Variants in RPS6KC1 observed in about 807,000 individuals in gnomAD.
The protein encoded by RPS6KC1 is inactive ribosomal protein S6 kinase delta-1.
A neutral mutation model predicts 103.8 loss-of-function variants in RPS6KC1; 54 were observed. The observed-to-expected ratio is 0.52, with a 90% CI of 0.42 to 0.65. The LOEUF is 0.65. Ranked by LOEUF, RPS6KC1 falls within the 30% of genes least tolerant of loss-of-function variation. The probability of loss-of-function intolerance (pLI) is 0.00; values close to 1 mark genes in which losing one functional copy is unlikely to be tolerated. For missense variants in RPS6KC1, 1,151 were observed against 1,253.8 expected, an observed-to-expected ratio of 0.92 and a Z score of 1.24; for synonymous variants, 439 against 438.7, an observed-to-expected ratio of 1.00 and a Z score of -0.01.
At chr1:213,589,390 A>G in the RPS6KC1 span, among the ~76,000 whole-genome samples, 3 of 152,192 alleles carry the variant, frequency 2.0e-5, no homozygotes, top group African/African-American at 7.2e-5. Flanking sequence ...CTGTAATCCC[A>G]GCGCTTTGGG....
the RPS6KC1 span, among the ~76,000 whole-genome samples, chr1:213,614,341 A>G: frequency 2.0e-5 from 3 of 152,258 alleles, no homozygotes. Flanking sequence ...TACGGTTTCT[A>G]CAGAGAGTGA....
the RPS6KC1 span, among the ~76,000 whole-genome samples, chr1:213,637,724 T>C: frequency 5.1e-4 from 77 of 152,278 alleles, no homozygotes; most frequent in Non-Finnish European, 7.6e-4. Flanking sequence ...TTGCTCTGTA[T>C]CCTCACCACC....
rs2094549001 is a variant in RPS6KC1, at chr1:213,251,672, G to A, written c.2911+9014G>A. ...GCCTACAACTTGTAAAAGTGCAAAA[G>A]GACTTGATGTAGATCTGCATGCTCA... On this transcript the variant is annotated intron_variant, in intron 12 of 14. Coordinates refer to ENST00000366960, the MANE Select transcript of RPS6KC1 (RefSeq NM_012424.6). 2.6e-5 allele frequency among the ~76,000 whole-genome samples: 4 copies of A among 152,284 alleles called. No individual in the cohort carries two copies. The Middle Eastern group carries it at 0.01, about 388-fold the overall frequency.
the RPS6KC1 span, among the ~76,000 whole-genome samples, chr1:213,289,951 A>G: frequency 1.3e-5 from 2 of 152,062 alleles, no homozygotes; most frequent in Admixed American, 1.3e-4. Context: ...AGGCAGGAGA[A>G]TCTCTTGAAC....
chr1:213,219,721 A>G (rs2093774908), intron 8 of RPS6KC1, among the ~76,000 whole-genome samples: 1 of 152,194 alleles, frequency 6.6e-6, no homozygotes, highest in Admixed American at 6.5e-5. Flanking sequence ...GACATGGATG[A>G]AGCTGGAAAC....
the RPS6KC1 span, among the ~76,000 whole-genome samples, chr1:213,590,014 T>C: frequency 6.7e-6 from 1 of 150,214 alleles, no homozygotes; most frequent in African/African-American, 2.4e-5. Flanking sequence ...GAAGATAACA[T>C]TACAAAATGT....
At position 213,241,117 on chromosome 1, in the gene RPS6KC1, T is replaced by G; in HGVS notation, c.1641T>G (p.Ile547Met). ...TEGNGVDTKA[I>M]KSFPAHLAAD... ...GGAATGGTGTTGATACAAAAGCTATTAAAAGCTTCCCAGCACACCTTGCTG... is the reference window on the plus strand; with the variant it reads ...GGAATGGTGTTGATACAAAAGCTATGAAAAGCTTCCCAGCACACCTTGCTG... Residue 547 changes from isoleucine (I) to methionine (M), a missense_variant, in exon 11 of 15, where the codon ATT becomes ATG. Ile to Met is a conservative substitution (Grantham distance 10). Coordinates refer to ENST00000366960, the MANE Select transcript of RPS6KC1 (RefSeq NM_012424.6). 1 of 1,613,724 alleles carries G rather than the reference T, an allele frequency of 6.2e-7. No individual in the cohort carries two copies. The highest frequency in any genetic ancestry group is 8.5e-7 in the Non-Finnish European group (1 of 1,179,890).
At chr1:213,732,400 T>C in the RPS6KC1 span, among the ~76,000 whole-genome samples, 1 of 151,528 alleles carries the variant, frequency 6.6e-6, no homozygotes, top group South Asian at 2.1e-4. Flanking sequence ...AAAAAGCCCT[T>C]TGTCTTGTTG....
the RPS6KC1 span, among the ~76,000 whole-genome samples, chr1:213,359,499 A>T: frequency 6.6e-6 from 1 of 151,938 alleles, no homozygotes; most frequent in East Asian, 1.9e-4. Context: ...ATGGGTCTTG[A>T]CTCTTTATCC....
intron 3 of RPS6KC1, among the ~76,000 whole-genome samples, chr1:213,084,355 G>T (rs776752256): frequency 6.6e-6 from 1 of 151,924 alleles, no homozygotes; most frequent in African/African-American, 2.4e-5. Context: ...CTGAAGCCTC[G>T]ACTTCCCAGA....
intron 7 of RPS6KC1, among the ~76,000 whole-genome samples, chr1:213,169,523 A>C (rs2091290503): frequency 6.6e-6 from 1 of 152,016 alleles, no homozygotes; most frequent in East Asian, 1.9e-4. Context: ...AATTATATTA[A>C]ATTTATTTCC....
chr1:213,138,532 C>T (rs1271059909), intron 6 of RPS6KC1, among the ~76,000 whole-genome samples: 1 of 152,128 alleles, frequency 6.6e-6, no homozygotes, highest in Non-Finnish European at 1.5e-5. Context: ...TCAAAGAGGC[C>T]TCAGTGTCTA....
chr1:213,356,063 A>G, the RPS6KC1 span, among the ~76,000 whole-genome samples: 25 of 152,354 alleles, frequency 1.6e-4, no homozygotes, highest in South Asian at 5.2e-3. Context: ...TATGTGCTGG[A>G]CACTGGGCCA....
chr1:213,543,220 C>T, the RPS6KC1 span, among the ~76,000 whole-genome samples: 3 of 152,114 alleles, frequency 2.0e-5, no homozygotes, highest in Non-Finnish European at 4.4e-5. Flanking sequence ...GTGAGGACAG[C>T]AATGAGCTGC....
intron 7 of RPS6KC1, among the ~76,000 whole-genome samples, chr1:213,168,843 C>T (rs973258639): frequency 3.3e-5 from 5 of 151,958 alleles, no homozygotes; most frequent in Non-Finnish European, 5.9e-5. Flanking sequence ...AGGATGGTCT[C>T]GATCTCCTGA....
chr1:213,708,309 T>C, the RPS6KC1 span, among the ~76,000 whole-genome samples: 1 of 152,216 alleles, frequency 6.6e-6, no homozygotes, highest in Non-Finnish European at 1.5e-5. Flanking sequence ...CAATTGTGAA[T>C]GGGAATTCAC....
At chr1:213,079,910 C>A (rs1261498133) in intron 3 of RPS6KC1, among the ~76,000 whole-genome samples, 1 of 146,386 alleles carries the variant, frequency 6.8e-6, no homozygotes, top group Non-Finnish European at 1.5e-5. Flanking sequence ...ACCATTTTTT[C>A]TTTTTTTCTT....
At chr1:213,363,683 T>TTTCTTTCTTTCC in the RPS6KC1 span, among the ~76,000 whole-genome samples, 3 of 88,822 alleles carry the variant, frequency 3.4e-5, no homozygotes, top group East Asian at 6.9e-4. Flanking sequence ...TCTTTCTTTC[T>TTTCTTTCTTTCC]TTCTTTCTTT....
chr1:213,644,088 C>G, the RPS6KC1 span, among the ~76,000 whole-genome samples: 2 of 151,876 alleles, frequency 1.3e-5, no homozygotes, highest in Non-Finnish European at 2.9e-5. Context: ...AGGCTTTTAT[C>G]TGGTATTGAT....
Sources: gnomAD v4.1 joint callset for allele counts (sites outside exome capture counted in the v4.1 genomes callset) on GRCh38, gnomAD v4.1.1 for gene constraint, MANE v1.5 for transcripts, NCBI Gene and HGNC (gene_info 2026-07-23, HGNC 2026-07-21) for gene names.